The following STARD9 variants were observed in gnomAD, a reference collection of about 807,000 sequenced individuals.
STARD9 encodes the protein stAR-related lipid transfer protein 9.
In STARD9, 346 loss-of-function variants were observed where a neutral mutation model predicts 399.8. That is an observed-to-expected ratio of 0.87 (90% CI 0.79 to 0.95). The LOEUF (loss-of-function observed/expected upper bound fraction) is 0.95, where lower values mean the gene tolerates loss of function less well. Ranked by LOEUF, STARD9 falls within the 40% of genes least tolerant of loss-of-function variation. The pLI is 0.00. For missense variants in STARD9, 5,832 were observed against 5,667.5 expected (o/e 1.03, Z -0.93); for synonymous variants, 2,203 against 2,143.5 (o/e 1.03, Z -0.77).
rs2060626097 is a variant in STARD9, at chr15:42,688,986, G to A, written c.7408G>A (p.Val2470Ile). ...TTTTGCTTCTGAAGCCGAGGTGGCT[G>A]TACAAAAAGAAATAAGAGTCAGTTC... ...EDFASEAEVA[V>I]QKEIRVSSLN... The change falls in exon 23 of 33, where the codon GTA (valine) becomes ATA (isoleucine). Residue 2470 changes from valine to isoleucine, a missense_variant. Transcript: ENST00000290607. 1.3e-6 allele frequency: 2 copies of A among 1,537,258 alleles called. No homozygotes were observed. Among genetic ancestry groups the A allele is most frequent in the African/African-American group, 1.4e-5 (1 of 73,042 alleles).
intron 7 of STARD9, among the ~76,000 whole-genome samples, chr15:42,643,508 T>TA (rs574691968): frequency 0.018 from 2,744 of 151,350 alleles, 91 homozygotes; most frequent in African/African-American, 0.063. Flanking sequence ...TCGTTCTTTT[T>TA]AAAAAAAAAC....
chr15:42,619,967 T>C (rs566076679), intron 3 of STARD9, among the ~76,000 whole-genome samples: 20 of 152,346 alleles, frequency 1.3e-4, no homozygotes, highest in Admixed American at 2.6e-4. Context: ...AGGGGTTTCC[T>C]CCAGTAGGAT....
intron 20 of STARD9, among the ~76,000 whole-genome samples, chr15:42,677,790 T>C (rs1484841689): frequency 6.6e-6 from 1 of 152,192 alleles, no homozygotes; most frequent in Non-Finnish European, 1.5e-5. Flanking sequence ...CGAGTATATA[T>C]GCACGGTGCA....
intron 1 of STARD9, among the ~76,000 whole-genome samples, chr15:42,579,495 G>C (rs907047621): frequency 4.6e-5 from 7 of 152,306 alleles, no homozygotes; most frequent in Middle Eastern, 6.8e-3. Context: ...AGGAGTGACA[G>C]ATATTCTCAG....
intron 3 of STARD9, among the ~76,000 whole-genome samples, chr15:42,605,085 A>G (rs1302819305): frequency 2.0e-5 from 3 of 152,198 alleles, no homozygotes; most frequent in Admixed American, 1.3e-4. Context: ...AGACTTCTCA[A>G]AGCATCATAT....
chr15:42,644,686 T>G (rs2059612903), intron 7 of STARD9, among the ~76,000 whole-genome samples: 1 of 152,112 alleles, frequency 6.6e-6, no homozygotes, highest in Non-Finnish European at 1.5e-5. Flanking sequence ...TAAAACAACT[T>G]ATGGAGTTTG....
chr15:42,672,958 C>G (rs2060230288), intron 16 of STARD9: 1 of 152,108 alleles, frequency 6.6e-6, no homozygotes, highest in Non-Finnish European at 1.5e-5. Flanking sequence ...ATTAGCCGGG[C>G]ATGGTGGCAC....
At position 42,690,940 on chromosome 15, in the gene STARD9, G is replaced by A; in HGVS notation, c.9362G>A (p.Gly3121Asp). Residue 3121 changes from glycine to aspartate, a missense_variant, in exon 23 of 33, where the codon GGT (glycine) becomes GAT (aspartate). Physicochemically the swap from Gly to Asp is moderately conservative, Grantham distance 94. This residue lies in a region of STARD9 where 5,828 missense variants were observed against 5,651.1 expected (regional missense o/e 1.03). Coordinates refer to ENST00000290607, the MANE Select transcript of STARD9 (RefSeq NM_020759.3). Reference protein sequence around the residue: ...PLRQFRDSSVGDQNAQVCQTN... With the variant: ...PLRQFRDSSVDDQNAQVCQTN... ...AGGCAGTTTAGGGACAGCTCTGTAGGTGACCAGAATGCACAGGTGTGTCAA... is the reference window on the plus strand; with the variant it reads ...AGGCAGTTTAGGGACAGCTCTGTAGATGACCAGAATGCACAGGTGTGTCAA... 5.9e-6 allele frequency: 9 copies of A among 1,537,204 alleles called. No individual in the cohort carries two copies. Among genetic ancestry groups the A allele is most frequent in the Non-Finnish European group, 7.8e-6 (9 of 1,146,902 alleles).
At position 42,687,816 on chromosome 15, in the gene STARD9, A is replaced by G; in HGVS notation, c.6238A>G (p.Thr2080Ala). 6.5e-7 allele frequency: 1 copy of G among 1,537,478 alleles called. No homozygotes were observed. The part of the protein sequence containing the change: ...KQVHASHTPG[T>A]DKELVFQDQK... ...GGTTCATGCTTCCCACACACCAGGA[A>G]CCGATAAGGAGTTGGTGTTCCAGGA... The change falls in exon 23 of 33, where the codon ACC becomes GCC. Residue 2080 changes from threonine (T) to alanine (A), a missense_variant. Thr to Ala is a moderately conservative substitution (Grantham distance 58). Transcript: ENST00000290607.
At chr15:42,663,611 C>G (rs1029970157) in intron 12 of STARD9, 121 bp downstream of exon 12, 69 of 615,056 alleles carry the variant, frequency 1.1e-4, no homozygotes, top group Non-Finnish European at 1.9e-4. Context: ...TACTCTATCT[C>G]AGAGAAAGGG....
chr15:42,638,024 A>G lies in STARD9; in HGVS notation c.385-2A>G. The stretch of plus-strand genomic sequence containing the variant: ...GAAACCCCAACCCTCTGGTTTGTGC[A>G]GGGTCTCTTCGTCAGGGAGAAAGAC... On this transcript the variant is annotated splice_acceptor_variant, in intron 5 of 32. Transcript: ENST00000290607. LOFTEE classifies it high-confidence loss of function. The G allele has an allele frequency of 6.5e-7, 1 of 1,537,426 alleles. No individual in the cohort carries two copies. The highest frequency in any genetic ancestry group is 8.7e-7 in the Non-Finnish European group (1 of 1,146,940).
chr15:42,661,042 A>T (rs1015925278), intron 9 of STARD9, 116 bp from the exon 10 acceptor site: 1 of 701,454 alleles, frequency 1.4e-6, no homozygotes, highest in African/African-American at 1.8e-5. Flanking sequence ...ATTAGAATAC[A>T]GATTTGTTGA....
At position 42,689,654 on chromosome 15, in the gene STARD9, T is replaced by A; in HGVS notation, c.8076T>A (p.Phe2692Leu). The change falls in exon 23 of 33, where the codon TTT (phenylalanine) becomes TTA (leucine). Residue 2692 changes from phenylalanine to leucine, a missense_variant. Phe to Leu is a conservative substitution (Grantham distance 22, BLOSUM62 0). Transcript: ENST00000290607. ...LRQFAGASEP[F>L]ICHSSSSEII... ...AGTTCGCGGGAGCAAGTGAACCATTTATATGTCACTCTAGTTCTTCTGAAA... is the reference window on the plus strand; with the variant it reads ...AGTTCGCGGGAGCAAGTGAACCATTAATATGTCACTCTAGTTCTTCTGAAA... The A allele has an allele frequency of 6.5e-7, 1 of 1,537,736 alleles. No homozygotes were observed. The highest frequency in any genetic ancestry group is 1.4e-5 in the African/African-American group (1 of 73,172).
rs773121945 is a variant in STARD9 at position 42,691,635 on chromosome 15, CA to C, written c.10058del (p.Gln3353ArgfsTer48). 65 of 1,537,262 alleles carry C rather than the reference CA, an allele frequency of 4.2e-5. No individual in the cohort carries two copies. The East Asian group carries it at 8.6e-4, about 20-fold the overall frequency. ...TCCTTCCCCTACAGACGAAGATACA[CA>C]GGGGCCTAACAGATTGTGGAACCCA... ...EPPSPTDEDT[Q>X]GPNRLWNPHL... On this transcript the variant is annotated frameshift_variant, in exon 23 of 33. Transcript: ENST00000290607. LOFTEE classifies it high-confidence loss of function.
intron 25 of STARD9, 78 bp from the exon 26 acceptor site, chr15:42,695,665 C>T (rs1393195298): frequency 6.8e-7 from 1 of 1,469,318 alleles, no homozygotes; most frequent in Admixed American, 2.1e-5. Flanking sequence ...GAAGGGGTGG[C>T]TTTGGGTAGG....
At chr15:42,715,219 C>A (rs1441988802) in intron 26 of STARD9, among the ~76,000 whole-genome samples, 1 of 152,176 alleles carries the variant, frequency 6.6e-6, no homozygotes, top group East Asian at 1.9e-4. Flanking sequence ...CATGATCCAG[C>A]CACACGGACA....
At chr15:42,677,887 C>T (rs1412591518) in intron 20 of STARD9, among the ~76,000 whole-genome samples, 1 of 152,202 alleles carries the variant, frequency 6.6e-6, no homozygotes, top group Non-Finnish European at 1.5e-5. Context: ...CTGACCTATC[C>T]ACCCCAGAGT....
At position 42,666,748 on chromosome 15, in the gene STARD9, G is replaced by A. The variant is rs193165382; in HGVS notation, c.1317+900G>A. Reference sequence around the variant, plus strand: ...CCAGGAAAGAGACTGCTGTAACCCCGTGAGGGCAAGGACAAGACATTTTGG... The same window carrying A: ...CCAGGAAAGAGACTGCTGTAACCCCATGAGGGCAAGGACAAGACATTTTGG... On this transcript the variant is annotated intron_variant, in intron 15 of 32. Coordinates refer to ENST00000290607, the MANE Select transcript of STARD9 (RefSeq NM_020759.3). 6.6e-5 allele frequency among the ~76,000 whole-genome samples: 10 copies of A among 152,298 alleles called. No homozygotes were observed. In the East Asian group the frequency reaches 1.3e-3, roughly 21 times the overall value.
chr15:42,626,243 TTCTTCTTCC>T (rs918508105), intron 3 of STARD9, among the ~76,000 whole-genome samples: 1 of 150,844 alleles, frequency 6.6e-6, no homozygotes, highest in African/African-American at 2.5e-5. Context: ...ATTCTTCTTC[TTCTTCTTCC>T]TCTTCCTCTT....
Sources: allele counts gnomAD v4.1 joint callset (sites outside exome capture counted in the v4.1 genomes callset), GRCh38; gene constraint gnomAD v4.1.1; regional missense constraint gnomAD v4.1.1; transcripts MANE v1.5; gene names NCBI Gene and HGNC (gene_info 2026-07-23, HGNC 2026-07-21).